IST1: variants seen among roughly 807,000 people sequenced by gnomAD.
IST1 encodes the protein IST1 homolog.
IST1 carries 23 observed loss-of-function variants against 37.0 expected under a neutral mutation model. That is an observed-to-expected ratio of 0.62 (90% CI 0.45 to 0.88). The LOEUF (loss-of-function observed/expected upper bound fraction) is 0.88, where lower values mean the gene tolerates loss of function less well. Among genes scored for constraint, IST1 ranks in the 40% least tolerant of loss-of-function variants. The pLI, the probability that IST1 is intolerant of heterozygous loss-of-function variation, is 0.00. For synonymous variants in IST1, 180 were observed against 161.7 expected, an observed-to-expected ratio of 1.11 and a Z score of -0.86; for missense variants, 488 against 445.4, an observed-to-expected ratio of 1.10 and a Z score of -0.86.
At position 71,922,514 on chromosome 16, in the gene IST1, T is replaced by A. The variant is rs2142587990; in HGVS notation, c.593T>A (p.Val198Asp). 1 of 1,614,152 alleles carries A rather than the reference T, an allele frequency of 6.2e-7. No individual in the cohort carries two copies. The highest frequency in any genetic ancestry group is 2.2e-5 in the East Asian group (1 of 44,878). ...PPGVETDLID[V>D]GFTDDVKKGG... ...GGGGTAGAGACAGATCTTATTGATGTTGGATTCACAGATGATGTGAAGAAA... is the reference window on the plus strand; with the variant it reads ...GGGGTAGAGACAGATCTTATTGATGATGGATTCACAGATGATGTGAAGAAA... Residue 198 changes from valine (V) to aspartate (D), a missense_variant, in exon 7 of 10, where the codon GTT (valine) becomes GAT (aspartate). By Grantham distance (152) the Val-to-Asp change is radical. Around this residue, in one of 2 missense-constraint regions of IST1, gnomAD observed 455 missense variants for 386.2 expected, o/e 1.18. Transcript: ENST00000378799.
intron 1 of IST1, among the ~76,000 whole-genome samples, chr16:71,913,612 C>T (rs145915775): frequency 1.3e-4 from 20 of 152,198 alleles, no homozygotes; most frequent in African/African-American, 3.9e-4. Context: ...GCAATCCTCC[C>T]GGCTCAGCCT....
At chr16:71,895,489 C>T (rs1235619798), upstream of IST1, 4 of 985,030 alleles carry the variant, frequency 4.1e-6, no homozygotes, top group Non-Finnish European at 4.8e-6. Context: ...CCCCGTGGAT[C>T]CCTCCGCCCG....
chr16:71,916,387 T>G, intron 2 of IST1, 75 bp from the exon 3 acceptor site: 3 of 1,409,320 alleles, frequency 2.1e-6, no homozygotes, highest in Non-Finnish European at 3.0e-6. Context: ...GTTCTTCCTG[T>G]TGGGGGGAGA....
At chr16:71,900,360 T>C (rs933998309) in intron 1 of IST1, among the ~76,000 whole-genome samples, 1 of 149,716 alleles carries the variant, frequency 6.7e-6, no homozygotes, top group African/African-American at 2.5e-5. Context: ...TGGCTACTTT[T>C]AGCTGCTACT....
At chr16:71,897,543 T>C (rs919727975) in intron 1 of IST1, among the ~76,000 whole-genome samples, 2 of 152,200 alleles carry the variant, frequency 1.3e-5, no homozygotes, top group African/African-American at 2.4e-5. Flanking sequence ...AAGGGTAGTA[T>C]AGTTAGTCAT....
chr16:71,911,903 A>G (rs1028114802), intron 1 of IST1, among the ~76,000 whole-genome samples: 2 of 151,894 alleles, frequency 1.3e-5, no homozygotes, highest in South Asian at 2.1e-4. Context: ...GTTTTGGTAC[A>G]GTTGGAGTTT....
chr16:71,922,429 G>A lies in IST1; in HGVS notation c.553-45G>A, dbSNP rs1434767801. ...CAGACTCCGCTTTCTGGGGAACCTG[G>A]CCTTGGACATGGGTTAATGACCTGG... is the stretch of plus-strand genomic sequence containing the variant. On this transcript the variant is annotated intron_variant, in intron 6 of 9. Coordinates refer to ENST00000378799, the MANE Select transcript of IST1 (RefSeq NM_001270975.2). 2.0e-6 allele frequency: 3 copies of A among 1,534,276 alleles called. No individual in the cohort carries two copies. In the African/African-American group the frequency reaches 4.1e-5, roughly 21 times the overall value.
At chr16:71,912,329 C>T (rs1467776792) in intron 1 of IST1, among the ~76,000 whole-genome samples, 4 of 152,142 alleles carry the variant, frequency 2.6e-5, no homozygotes, top group Non-Finnish European at 4.4e-5. Context: ...GCTCCGCCTC[C>T]TGGGTTCACG....
At chr16:71,926,415 C>T (rs891933089) in intron 9 of IST1, among the ~76,000 whole-genome samples, 2 of 151,484 alleles carry the variant, frequency 1.3e-5, no homozygotes, top group African/African-American at 2.4e-5. Context: ...GTGATCTCGG[C>T]TCATTGCAAG....
At position 71,929,550 on chromosome 16, in the gene IST1, A is replaced by G; in HGVS notation, c.*1737A>G. 2 of 1,550,874 alleles carry G rather than the reference A, an allele frequency of 1.3e-6. No homozygotes were observed. Among genetic ancestry groups the G allele is most frequent in the South Asian group, 2.4e-5 (2 of 83,798 alleles). On this transcript the variant is annotated 3_prime_UTR_variant, in exon 10 of 10. Coordinates refer to ENST00000378799, the MANE Select transcript of IST1 (RefSeq NM_001270975.2). ...GGAGATAACAGGATTAAGGTAGTTC[A>G]TCTAAAACTTCAGTGTCACTGCCCA... is the stretch of plus-strand genomic sequence containing the variant.
chr16:71,926,013 G>GGCTCA (rs2037734117), intron 9 of IST1, among the ~76,000 whole-genome samples: 1 of 152,092 alleles, frequency 6.6e-6, no homozygotes, highest in Non-Finnish European at 1.5e-5. Context: ...CGGGTGCGGT[G>GGCTCA]GCTCACCCCT....
chr16:71,899,996 CAAAA>C (rs71153680), intron 1 of IST1, among the ~76,000 whole-genome samples: 2 of 117,966 alleles, frequency 1.7e-5, no homozygotes. Context: ...GACTCTGTCT[CAAAA>C]AAAAAAAAAA....
chr16:71,915,179 A>G (rs2037440940), intron 1 of IST1, among the ~76,000 whole-genome samples: 2 of 152,164 alleles, frequency 1.3e-5, no homozygotes, highest in African/African-American at 4.8e-5. Context: ...AAATTTAATC[A>G]TCTTCCCCCA....
chr16:71,900,669 G>A (rs1301186321), intron 1 of IST1, among the ~76,000 whole-genome samples: 1 of 53,040 alleles, frequency 1.9e-5, no homozygotes, highest in African/African-American at 9.5e-5. Flanking sequence ...ATAAAGATAA[G>A]TATATATGTA....
At position 71,930,139 on chromosome 16, in the gene IST1, G is replaced by A; in HGVS notation, c.*2326G>A. On this transcript the variant is annotated 3_prime_UTR_variant, in exon 10 of 10. Coordinates refer to ENST00000378799, the MANE Select transcript of IST1 (RefSeq NM_001270975.2). The stretch of plus-strand genomic sequence containing the variant: ...CCACAAGTACCATCAAGATGACACT[G>A]GTGAGGATCAGAAAGGTGCCCAGGA... 3 of 1,551,544 alleles carry A rather than the reference G, an allele frequency of 1.9e-6. No individual in the cohort carries two copies. The highest frequency in any genetic ancestry group is 2.6e-6 in the Non-Finnish European group (3 of 1,146,814).
At chr16:71,899,032 C>T (rs1180338778) in intron 1 of IST1, among the ~76,000 whole-genome samples, 1 of 150,818 alleles carries the variant, frequency 6.6e-6, no homozygotes, top group Non-Finnish European at 1.5e-5. Flanking sequence ...ATGTTTTTAT[C>T]TCAATTTTAT....
In IST1 at chr16:71,899,839, C is replaced by T. The variant is rs144817866; in HGVS notation, c.-16+4250C>T. 6.3e-3 allele frequency among the ~76,000 whole-genome samples: 962 copies of T among 151,886 alleles called. 3 individuals carry two copies. Among genetic ancestry groups the T allele is most frequent in the Non-Finnish European group, 9.8e-3 (668 of 67,940 alleles). ...GAGATCGAGACCATCCTGGCTAACA[C>T]GGTGAAACCCTGTCTCTACTAAAAA... On this transcript the variant is annotated intron_variant, in intron 1 of 9. Transcript: ENST00000378799.
intron 1 of IST1, among the ~76,000 whole-genome samples, chr16:71,906,506 G>T (rs1057450413): frequency 2.6e-5 from 4 of 151,592 alleles, no homozygotes; most frequent in Admixed American, 2.6e-4. Flanking sequence ...GTAGAGACGG[G>T]GTTTCACCAT....
In IST1 at chr16:71,929,486, A is replaced by C; in HGVS notation, c.*1673A>C. On this transcript the variant is annotated 3_prime_UTR_variant, in exon 10 of 10. Transcript: ENST00000378799. ...ATAATTTTAAAGCTATGCCATGCAA[A>C]GATAAGTAGTAATACGCTAATAAAT... 1 of 1,457,694 alleles carries C rather than the reference A, an allele frequency of 6.9e-7. No homozygotes were observed. Among genetic ancestry groups the C allele is most frequent in the Non-Finnish European group, 9.2e-7 (1 of 1,092,638 alleles). The allele number at this position is 1,457,694 out of a possible 1,614,324, so 90.3% of individuals were successfully genotyped here. A position where few individuals can be genotyped will look rare whatever the true frequency, so the allele number is the denominator to read the frequency against.
Sources: gnomAD v4.1 joint callset for allele counts (sites outside exome capture counted in the v4.1 genomes callset) on GRCh38, gnomAD v4.1.1 for gene constraint, gnomAD v4.1.1 regional missense constraint, MANE v1.5 for transcripts, NCBI Gene and HGNC (gene_info 2026-07-23, HGNC 2026-07-21) for gene names.